The following EYS variants were observed in gnomAD, a reference collection of about 807,000 sequenced individuals.
The protein encoded by EYS is EGF-like photoreceptor maintenance factor.
EYS carries 250 observed loss-of-function variants against 282.1 expected under a neutral mutation model. That is an observed-to-expected ratio of 0.89 (90% CI 0.80 to 0.98). The LOEUF (loss-of-function observed/expected upper bound fraction) is 0.98. Among genes scored for constraint, EYS ranks in the 50% least tolerant of loss-of-function variants. The probability of loss-of-function intolerance (pLI) is 0.00; values close to 1 mark genes in which losing one functional copy is unlikely to be tolerated. For synonymous variants in EYS, 1,355 were observed against 1,282.9 expected (o/e 1.06, Z -1.20); for missense variants, 4,016 against 3,709.0 (o/e 1.08, Z -2.15).
At chr6:64,107,285 T>TATATATATATATATATTTATATA (rs1773053230) in intron 31 of EYS, among the ~76,000 whole-genome samples, 1 of 101,502 alleles carries the variant, frequency 9.9e-6, no homozygotes, top group African/African-American at 3.5e-5. Flanking sequence ...ATATATATAT[T>TATATATATATATATATTTATATA]TATATATATA....
In EYS at chr6:64,498,284, C is replaced by T. The variant is rs564091040; in HGVS notation, c.5645-58932G>A. Among the ~76,000 whole-genome samples, 6 of 152,030 alleles carry T rather than the reference C, an allele frequency of 3.9e-5. No individual in the cohort carries two copies. The East Asian group carries it at 1.2e-3, about 30-fold the overall frequency. ...TTTTATAGATGAGAACAGGGAAGTA[C>T]AGAAAATCAAATAGCTTAGCGAAGG... On this transcript the variant is annotated intron_variant, in intron 26 of 42. Coordinates refer to ENST00000503581, the MANE Select transcript of EYS (RefSeq NM_001142800.2).
chr6:64,815,838 T>A (rs1764730180), intron 21 of EYS, among the ~76,000 whole-genome samples: 1 of 152,044 alleles, frequency 6.6e-6, no homozygotes, highest in Admixed American at 6.6e-5. Flanking sequence ...CCAGGAAATG[T>A]ACAGGAGCAT....
chr6:65,577,340 A>C (rs1037934909), intron 2 of EYS, among the ~76,000 whole-genome samples: 1 of 151,872 alleles, frequency 6.6e-6, no homozygotes, highest in East Asian at 1.9e-4. Flanking sequence ...AGGAAATGAC[A>C]GTCTTTAAAA....
chr6:65,424,701 A>C (rs1471042780), intron 5 of EYS, among the ~76,000 whole-genome samples: 1 of 152,076 alleles, frequency 6.6e-6, no homozygotes, highest in Non-Finnish European at 1.5e-5. Context: ...ATATTTAAAT[A>C]TTCTGGTATC....
intron 1 of EYS, among the ~76,000 whole-genome samples, chr6:65,666,839 G>C (rs1015359276): frequency 6.8e-6 from 1 of 146,126 alleles, no homozygotes; most frequent in Non-Finnish European, 1.5e-5. Flanking sequence ...ATTAAGCTAA[G>C]AAAGATTAAG....
intron 2 of EYS, among the ~76,000 whole-genome samples, chr6:65,610,578 T>A (rs1382210001): frequency 2.6e-5 from 4 of 152,116 alleles, no homozygotes; most frequent in Non-Finnish European, 5.9e-5. Flanking sequence ...GAACATCCTA[T>A]ATATAAAGCA....
intron 12 of EYS, among the ~76,000 whole-genome samples, chr6:65,292,313 G>T (rs1422585379): frequency 2.0e-5 from 3 of 151,666 alleles, no homozygotes; most frequent in Admixed American, 1.3e-4. Flanking sequence ...TTTGTTTTCT[G>T]TAAAACTATC....
chr6:64,682,125 A>C (rs1769921640), intron 22 of EYS, among the ~76,000 whole-genome samples: 1 of 152,188 alleles, frequency 6.6e-6, no homozygotes, highest in Non-Finnish European at 1.5e-5. Context: ...TTTCTTGGCT[A>C]TTATAAAATT....
chr6:63,818,611 G>C (rs1771242082), intron 36 of EYS, among the ~76,000 whole-genome samples: 1 of 152,070 alleles, frequency 6.6e-6, no homozygotes, highest in South Asian at 2.1e-4. Flanking sequence ...AAGAAATGCT[G>C]TCTTAAACCC....
At position 64,293,778 on chromosome 6, in the gene EYS, C is replaced by T. The variant is rs552855086; in HGVS notation, c.6191+13192G>A. ...CCATTTTATTTATTACATTTTTAAA[C>T]GTCCATTTCTCTGCTTTGCAATGTT... is the stretch of plus-strand genomic sequence containing the variant. On this transcript the variant is annotated intron_variant, in intron 30 of 42. Coordinates refer to ENST00000503581, the MANE Select transcript of EYS (RefSeq NM_001142800.2). 2.0e-3 allele frequency among the ~76,000 whole-genome samples: 306 copies of T among 151,468 alleles called. 1 individual carries two copies. The Middle Eastern group carries it at 0.021, about 10-fold the overall frequency.
chr6:63,855,104 T>C (rs542999772), intron 36 of EYS, among the ~76,000 whole-genome samples: 1 of 152,340 alleles, frequency 6.6e-6, no homozygotes, highest in African/African-American at 2.4e-5. Flanking sequence ...CAGGAATTCT[T>C]AGAGTTTTTA....
In EYS at chr6:64,230,606, C is replaced by A; in HGVS notation, c.6410G>T (p.Arg2137Leu). The change falls in exon 31 of 43, where the codon CGC becomes CTC. Residue 2137 changes from arginine (R) to leucine (L), a missense_variant. Coordinates refer to ENST00000503581, the MANE Select transcript of EYS (RefSeq NM_001142800.2). ...QCDCPLHFTGRFCEKDAGLFF... is the reference protein window; with the variant it reads ...QCDCPLHFTGLFCEKDAGLFF... Reference sequence around the variant, plus strand: ...AGATTGATTACCTTTTTCACAGAAGCGGCCAGTGAAATGTAGTGGACAGTC... The same window carrying A: ...AGATTGATTACCTTTTTCACAGAAGAGGCCAGTGAAATGTAGTGGACAGTC... The A allele has an allele frequency of 6.5e-7, 1 of 1,544,990 alleles. No homozygotes were observed. The highest frequency in any genetic ancestry group is 2.5e-5 in the East Asian group (1 of 40,760).
chr6:65,489,729 T>C (rs916543856), intron 5 of EYS: 8 of 152,116 alleles, frequency 5.3e-5, no homozygotes, highest in Non-Finnish European at 1.2e-4. Context: ...CTAACCCAAA[T>C]GTCCATCAAT....
At chr6:65,700,292 C>A (rs1276269435) in intron 1 of EYS, among the ~76,000 whole-genome samples, 1 of 151,836 alleles carries the variant, frequency 6.6e-6, no homozygotes, top group Non-Finnish European at 1.5e-5. Flanking sequence ...AGAACTTCAA[C>A]TAAGACCGTG....
chr6:65,528,063 T>C (rs1562241990), intron 2 of EYS, among the ~76,000 whole-genome samples: 1 of 152,220 alleles, frequency 6.6e-6, no homozygotes, highest in African/African-American at 2.4e-5. Context: ...CTTTCAGTGT[T>C]GAGAAACTGT....
chr6:64,716,017 G>A (rs1461839987), intron 22 of EYS, among the ~76,000 whole-genome samples: 1 of 152,182 alleles, frequency 6.6e-6, no homozygotes, highest in Non-Finnish European at 1.5e-5. Flanking sequence ...GATAAAAGAA[G>A]AAACAAGTGC....
intron 31 of EYS, among the ~76,000 whole-genome samples, chr6:64,181,291 T>C (rs1764780750): frequency 6.6e-6 from 1 of 152,136 alleles, no homozygotes; most frequent in Admixed American, 6.6e-5. Flanking sequence ...TATTATTAAA[T>C]CATTAAATTG....
intron 29 of EYS, among the ~76,000 whole-genome samples, chr6:64,346,379 A>T (rs1386836986): frequency 6.6e-6 from 1 of 152,096 alleles, no homozygotes; most frequent in African/African-American, 2.4e-5. Context: ...GCCATAAAAA[A>T]TGATGAGTTC....
At chr6:65,403,967 C>A (rs1353325384) in intron 6 of EYS, among the ~76,000 whole-genome samples, 2 of 151,928 alleles carry the variant, frequency 1.3e-5, no homozygotes, top group African/African-American at 4.8e-5. Context: ...CAAATTCTTA[C>A]AAACTTAGTA....
Sources: gnomAD v4.1 joint callset for allele counts (sites outside exome capture counted in the v4.1 genomes callset) on GRCh38, gnomAD v4.1.1 for gene constraint, MANE v1.5 for transcripts, NCBI Gene and HGNC (gene_info 2026-07-23, HGNC 2026-07-21) for gene names.